CPED1: variants seen among roughly 807,000 people sequenced by gnomAD.
The protein encoded by CPED1 is cadherin-like and PC-esterase domain-containing protein 1.
In CPED1, 114 loss-of-function variants were observed where a neutral mutation model predicts 128.2. That is an observed-to-expected ratio of 0.89 (90% CI 0.76 to 1.04). The LOEUF (loss-of-function observed/expected upper bound fraction) is 1.04. CPED1 is among the 50% of genes least tolerant of loss of function. The pLI is 0.00. For synonymous variants in CPED1, 462 were observed against 426.7 expected (o/e 1.08, Z -1.02); for missense variants, 1,211 against 1,207.1 (o/e 1.00, Z -0.05).
chr7:121,170,021 C>G (rs1796615552), intron 16 of CPED1, among the ~76,000 whole-genome samples: 2 of 152,182 alleles, frequency 1.3e-5, no homozygotes, highest in Admixed American at 6.5e-5. Flanking sequence ...TGGACTACAC[C>G]TTAGTGACAC....
chr7:121,120,394 G>T (rs1303981298), intron 7 of CPED1, among the ~76,000 whole-genome samples: 2 of 152,152 alleles, frequency 1.3e-5, no homozygotes, highest in Admixed American at 6.5e-5. Context: ...TTTCCCTAAT[G>T]ATTAGTGATA....
chr7:121,032,587 A>C (rs1008340043), intron 3 of CPED1, among the ~76,000 whole-genome samples: 3 of 151,904 alleles, frequency 2.0e-5, no homozygotes, highest in African/African-American at 7.3e-5. Flanking sequence ...ATTAGGACCA[A>C]TACCTAATGT....
intron 7 of CPED1, among the ~76,000 whole-genome samples, chr7:121,119,241 T>C (rs1187278545): frequency 1.3e-5 from 2 of 150,554 alleles, no homozygotes; most frequent in Non-Finnish European, 1.5e-5. Flanking sequence ...AAAGATATTT[T>C]TTTTTTTTGA....
intron 18 of CPED1, among the ~76,000 whole-genome samples, chr7:121,257,232 A>G (rs1219413401): frequency 3.3e-5 from 5 of 151,978 alleles, no homozygotes; most frequent in East Asian, 1.9e-4. Flanking sequence ...AAGTTTGGGG[A>G]AAAAAAGACA....
intron 5 of CPED1, among the ~76,000 whole-genome samples, chr7:121,089,533 T>A (rs1487366603): frequency 6.6e-6 from 1 of 152,198 alleles, no homozygotes. Flanking sequence ...TGTGTTACAT[T>A]TAAATTAGAA....
rs183473125 is a variant in CPED1 at position 121,225,409 on chromosome 7, C to T, written c.2056-11305C>T. Reference sequence around the variant, plus strand: ...GACCTTTCTCTCTGGCTGCCCTTAACATTTTTTCCTTCATTTCAACCTTGG... The same window carrying T: ...GACCTTTCTCTCTGGCTGCCCTTAATATTTTTTCCTTCATTTCAACCTTGG... On this transcript the variant is annotated intron_variant, in intron 16 of 22. Coordinates refer to ENST00000310396, the MANE Select transcript of CPED1 (RefSeq NM_024913.5). Among the ~76,000 whole-genome samples, 18 of 152,254 alleles carry T rather than the reference C, an allele frequency of 1.2e-4. 1 individual carries two copies. The Middle Eastern group carries it at 0.014, about 115-fold the overall frequency.
At chr7:121,290,536 T>C (rs886503943) in intron 22 of CPED1, among the ~76,000 whole-genome samples, 7 of 152,248 alleles carry the variant, frequency 4.6e-5, no homozygotes, top group African/African-American at 1.7e-4. Context: ...GTGGTTTTGA[T>C]TTGCATTTCT....
At chr7:121,107,435 CTTTA>C (rs1795005188) in intron 7 of CPED1, among the ~76,000 whole-genome samples, 1 of 151,984 alleles carries the variant, frequency 6.6e-6, no homozygotes, top group African/African-American at 2.4e-5. Context: ...TTTGCTTATT[CTTTA>C]TTTATGTAGG....
chr7:121,199,190 G>A (rs1055254173), intron 16 of CPED1, among the ~76,000 whole-genome samples: 1 of 152,046 alleles, frequency 6.6e-6, no homozygotes, highest in Non-Finnish European at 1.5e-5. Flanking sequence ...ACCAAGTGTG[G>A]TTCTCTATGA....
At chr7:120,996,455 T>C (rs1260220976) in intron 2 of CPED1, among the ~76,000 whole-genome samples, 1 of 152,188 alleles carries the variant, frequency 6.6e-6, no homozygotes, top group African/African-American at 2.4e-5. Context: ...TCACAGCCCT[T>C]ATTCAGAAAC....
At chr7:121,017,948 GC>G (rs1792342188) in intron 3 of CPED1, among the ~76,000 whole-genome samples, 1 of 152,048 alleles carries the variant, frequency 6.6e-6, no homozygotes, top group South Asian at 2.1e-4. Flanking sequence ...CATTCCCACA[GC>G]TTTTAAAACA....
At position 121,295,732 on chromosome 7, in the gene CPED1, A is replaced by G. The variant is rs1002802595; in HGVS notation, c.*80A>G. On this transcript the variant is annotated 3_prime_UTR_variant, in exon 23 of 23. Transcript: ENST00000310396. ...ATGGTCTAGGAGCCAAGCGCTGCACATCGCACACATTTGGGATCGACCACA... is the reference window on the plus strand; with the variant it reads ...ATGGTCTAGGAGCCAAGCGCTGCACGTCGCACACATTTGGGATCGACCACA... 6.7e-6 allele frequency: 8 copies of G among 1,190,120 alleles called. No individual in the cohort carries two copies. In the South Asian group the frequency reaches 9.1e-5, roughly 14 times the overall value. The allele number at this position is 1,190,120 out of a possible 1,614,324, so 73.7% of individuals were successfully genotyped here. A position where few individuals can be genotyped will look rare whatever the true frequency, so the allele number is the denominator to read the frequency against.
Position 121,060,785 on chromosome 7 carries a change from G to A in CPED1, c.541-3453G>A, listed in dbSNP as rs144618749. The stretch of plus-strand genomic sequence containing the variant: ...CTGTCCCAGCCAGCAGTGGCAACCC[G>A]CTCCGGTCCCTTTTCACGTTGTGGA... On this transcript the variant is annotated intron_variant, in intron 4 of 22. Transcript: ENST00000310396. 1.2e-3 allele frequency among the ~76,000 whole-genome samples: 187 copies of A among 152,304 alleles called. 2 individuals are homozygous for A. The highest frequency in any genetic ancestry group is 3.8e-3 in the African/African-American group (159 of 41,568).
intron 5 of CPED1, among the ~76,000 whole-genome samples, chr7:121,074,764 T>C (rs2116105835): frequency 6.6e-6 from 1 of 152,246 alleles, no homozygotes; most frequent in East Asian, 1.9e-4. Context: ...AGTTGTCATA[T>C]AATGACTTTG....
chr7:121,076,519 T>A (rs922300453), intron 5 of CPED1: 2 of 152,204 alleles, frequency 1.3e-5, no homozygotes, highest in African/African-American at 4.8e-5. Context: ...GGTCTGGAGA[T>A]GAACAAGTAA....
intron 22 of CPED1, among the ~76,000 whole-genome samples, chr7:121,284,812 G>A (rs973612852): frequency 1.3e-5 from 2 of 152,206 alleles, no homozygotes; most frequent in Admixed American, 6.5e-5. Flanking sequence ...TTACAGGATG[G>A]CGTTGAGTGT....
chr7:121,206,403 T>C (rs900927624), intron 16 of CPED1, among the ~76,000 whole-genome samples: 1 of 151,892 alleles, frequency 6.6e-6, no homozygotes, highest in Non-Finnish European at 1.5e-5. Flanking sequence ...AATTAGAATA[T>C]AGTTTTCTTT....
At chr7:121,271,886 T>TCC (rs1179242444) in intron 22 of CPED1, among the ~76,000 whole-genome samples, 2 of 152,106 alleles carry the variant, frequency 1.3e-5, no homozygotes, top group East Asian at 3.9e-4. Context: ...TTGGTTAGGG[T>TCC]CCCCCCACCC....
At chr7:121,055,515 T>C (rs1793472394) in intron 4 of CPED1, among the ~76,000 whole-genome samples, 1 of 151,578 alleles carries the variant, frequency 6.6e-6, no homozygotes, top group African/African-American at 2.4e-5. Flanking sequence ...TAAATGTGGG[T>C]ATATTACACA....
Sources: gnomAD v4.1 joint callset for allele counts (sites outside exome capture counted in the v4.1 genomes callset) on GRCh38, gnomAD v4.1.1 for gene constraint, MANE v1.5 for transcripts, NCBI Gene and HGNC (gene_info 2026-07-23, HGNC 2026-07-21) for gene names.